Variants in CFAP99 observed in about 807,000 individuals in gnomAD.
CFAP99 encodes cilia and flagella associated protein 99.
A neutral mutation model predicts 82.7 loss-of-function variants in CFAP99; 84 were observed. The ratio of observed to expected loss-of-function variants is 1.02; its 90% CI spans 0.85 to 1.22. The LOEUF is 1.22. Ranked by LOEUF, CFAP99 falls within the 50% of genes most tolerant of loss-of-function variation. The pLI is 0.00. For missense variants in CFAP99, 1,059 were observed against 983.5 expected (o/e 1.08, Z -1.03); for synonymous variants, 456 against 429.5 (o/e 1.06, Z -0.76).
rs974838903 is a variant in CFAP99, at chr4:2,437,010, G to A, written c.248G>A (p.Arg83His). 9 of 1,535,930 alleles carry A rather than the reference G, an allele frequency of 5.9e-6. No individual in the cohort carries two copies. Among genetic ancestry groups the A allele is most frequent in the African/African-American group, 2.7e-5 (2 of 73,056 alleles). ...CTCTGCCTGCGGGTTGACCACAGCC[G>A]CTTCGAGGGTAGGTGCCTGGCTGGT... The change falls in exon 3 of 15, where the codon CGC (arginine) becomes CAC (histidine). Residue 83 changes from arginine (R) to histidine (H), a missense_variant. Physicochemically the swap from Arg to His is conservative, Grantham distance 29 (BLOSUM62 0). Transcript: ENST00000635017.
chr4:2,443,210 C>A (rs780547780), exon 5 of CFAP99: 6 of 1,535,594 alleles, frequency 3.9e-6, no homozygotes, highest in Non-Finnish European at 5.2e-6. Context: ...AGCCAGCCCA[C>A]GTGAAGGAGA....
Position 2,462,646 on chromosome 4 carries a change from C to T in CFAP99, c.1865C>T (p.Ala622Val), listed in dbSNP as rs976867587. The T allele has an allele frequency of 7.0e-6, 9 of 1,290,052 alleles. No individual in the cohort carries two copies. The highest frequency in any genetic ancestry group is 3.2e-5 in the East Asian group (1 of 30,838). The allele number at this position is 1,290,052 out of a possible 1,614,324, so 79.9% of individuals were successfully genotyped here. The change falls in exon 15 of 15, where the codon GCC (alanine) becomes GTC (valine). Residue 622 changes from alanine to valine, a missense_variant. By Grantham distance (64) the Ala-to-Val change is moderately conservative. Coordinates refer to ENST00000635017, the Ensembl canonical transcript of CFAP99. This position sits in a 1 kb window ranked among gnomAD's most constrained non-coding sequence, Gnocchi z 4.1. The stretch of plus-strand genomic sequence containing the variant: ...TGGGAGGAGCCCGGGCGACTGAAAG[C>T]CGGGGCCGGGTGGGGATGGCGGGCG...
intron 1 of CFAP99, among the ~76,000 whole-genome samples, chr4:2,419,897 C>A (rs1437717675): frequency 6.6e-6 from 1 of 152,248 alleles, no homozygotes; most frequent in South Asian, 2.1e-4. Context: ...CCCACTTGTT[C>A]TTTCTGGAAA....
intron 11 of CFAP99, among the ~76,000 whole-genome samples, chr4:2,454,035 G>A (rs1734366842): frequency 3.3e-5 from 5 of 151,854 alleles, no homozygotes; most frequent in Admixed American, 2.6e-4. Flanking sequence ...GTCTTGCTCT[G>A]TCGCCCGGGC....
intron 13 of CFAP99, 115 bp from the exon 14 acceptor site, chr4:2,459,911 TAAGCAGTGTTG>T: frequency 5.0e-6 from 4 of 800,822 alleles, no homozygotes; most frequent in East Asian, 2.7e-5. Context: ...GCATGTTTCA[TAAGCAGTGTTG>T]AAGCAGAGGG....
intron 1 of CFAP99, among the ~76,000 whole-genome samples, chr4:2,419,643 T>G (rs967223389): frequency 6.6e-6 from 1 of 152,204 alleles, no homozygotes; most frequent in Non-Finnish European, 1.5e-5. Flanking sequence ...GACCTGTTCC[T>G]GCTTGTCCTC....
chr4:2,424,615 G>T (rs188565548), intron 1 of CFAP99, among the ~76,000 whole-genome samples: 3 of 152,240 alleles, frequency 2.0e-5, no homozygotes, highest in African/African-American at 4.8e-5. Context: ...AACATGCCAG[G>T]TGCTCCTCCT....
intron 8 of CFAP99, chr4:2,450,375 T>C: frequency 6.4e-6 from 2 of 314,450 alleles, no homozygotes; most frequent in South Asian, 6.5e-5. Context: ...GGAGAGACTG[T>C]GCCTGGCGGG....
intron 2 of CFAP99, among the ~76,000 whole-genome samples, chr4:2,433,686 A>T (rs908675186): frequency 2.6e-5 from 4 of 152,216 alleles, no homozygotes; most frequent in African/African-American, 4.8e-5. Flanking sequence ...CCAGGTGGCC[A>T]TCTAGCCAAG....
intron 11 of CFAP99, among the ~76,000 whole-genome samples, chr4:2,455,980 A>G (rs1405093484): frequency 3.3e-5 from 5 of 152,114 alleles, no homozygotes; most frequent in Non-Finnish European, 4.4e-5. Flanking sequence ...GCACCCTTTC[A>G]TCTCCTCCTC....
At chr4:2,454,644 CAG>C (rs1459918026) in intron 11 of CFAP99, among the ~76,000 whole-genome samples, 1 of 122,628 alleles carries the variant, frequency 8.2e-6, no homozygotes, top group South Asian at 2.7e-4. Flanking sequence ...GTTTTTGAGA[CAG>C]AGTCTCACTC....
chr4:2,425,319 C>T (rs80226677), intron 1 of CFAP99, among the ~76,000 whole-genome samples: 8 of 152,302 alleles, frequency 5.3e-5, no homozygotes, highest in African/African-American at 1.7e-4. Flanking sequence ...CTCTCTGAGT[C>T]TTGGCCAGGG....
At chr4:2,453,637 A>G (rs146422977) in intron 11 of CFAP99, among the ~76,000 whole-genome samples, 128 of 121,296 alleles carry the variant, frequency 1.1e-3, no homozygotes, top group African/African-American at 3.8e-3. Flanking sequence ...ATTTGAGCAA[A>G]TGTCCACATA....
chr4:2,461,665 C>A (rs1391000652), intron 14 of CFAP99, among the ~76,000 whole-genome samples: 1 of 152,154 alleles, frequency 6.6e-6, no homozygotes, highest in Non-Finnish European at 1.5e-5. Context: ...CTCAGGCATG[C>A]ACTTAGGCCC....
chr4:2,437,466 A>C (rs1361960456), intron 3 of CFAP99, among the ~76,000 whole-genome samples: 3 of 152,138 alleles, frequency 2.0e-5, no homozygotes, highest in Admixed American at 6.5e-5. Context: ...CGACCATTGC[A>C]AGCCAGGTGG....
chr4:2,458,147 G>A (rs983265385), intron 11 of CFAP99, among the ~76,000 whole-genome samples: 4 of 152,228 alleles, frequency 2.6e-5, no homozygotes, highest in Non-Finnish European at 5.9e-5. Context: ...CGCGGGGAGG[G>A]CCGGTGTGGA....
At chr4:2,438,533 G>A (rs4974693) in intron 4 of CFAP99, among the ~76,000 whole-genome samples, 73,984 of 151,936 alleles carry the variant, frequency 0.49, 18,333 homozygotes, top group East Asian at 0.65. Flanking sequence ...AAGTGCTGGG[G>A]TTACAGGCGT....
At chr4:2,433,069 C>A (rs533953004) in intron 2 of CFAP99, among the ~76,000 whole-genome samples, 14 of 152,224 alleles carry the variant, frequency 9.2e-5, no homozygotes, top group Non-Finnish European at 1.9e-4. Flanking sequence ...AAGGACCTGG[C>A]CGTGGGCCCG....
chr4:2,459,763 C>A (rs558499980), intron 13 of CFAP99, among the ~76,000 whole-genome samples: 1 of 152,306 alleles, frequency 6.6e-6, no homozygotes, highest in African/African-American at 2.4e-5. Context: ...TGCCCCAGGC[C>A]CCGAAGCCTG....
Sources: allele counts gnomAD v4.1 joint callset (sites outside exome capture counted in the v4.1 genomes callset), GRCh38; gene constraint gnomAD v4.1.1; non-coding constraint Gnocchi (gnomAD v3.1); transcripts MANE v1.5; gene names NCBI Gene and HGNC (gene_info 2026-07-23, HGNC 2026-07-21).